FAM120C: variants seen among roughly 807,000 people sequenced by gnomAD.
The protein encoded by FAM120C is constitutive coactivator of PPAR-gamma-like protein 2.
A neutral mutation model predicts 71.2 loss-of-function variants in FAM120C; 14 were observed. The observed-to-expected ratio is 0.20, with a 90% CI of 0.13 to 0.31. FAM120C has a LOEUF of 0.31. Ranked by LOEUF, FAM120C falls within the 10% of genes least tolerant of loss-of-function variation. The pLI is 1.00. For synonymous variants in FAM120C, 354 were observed against 353.2 expected, an observed-to-expected ratio of 1.00 and a Z score of -0.03; for missense variants, 500 against 879.0, an observed-to-expected ratio of 0.57 and a Z score of 5.45.
chrX:54,148,542 G>C (rs1394149954), intron 4 of FAM120C, among the ~76,000 whole-genome samples: 1 of 111,723 alleles, frequency 9.0e-6, no homozygotes, highest in Non-Finnish European at 1.9e-5. Flanking sequence ...AGCTACTTGG[G>C]AGGCTGTGGT....
chrX:54,126,906 A>C (rs1295597842), intron 9 of FAM120C, among the ~76,000 whole-genome samples: 1 of 112,830 alleles, frequency 8.9e-6, no homozygotes, highest in Non-Finnish European at 1.9e-5. Context: ...CTGCTATAAC[A>C]AAGTACCATA....
At chrX:54,161,102 A>G (rs2067234070) in intron 1 of FAM120C, among the ~76,000 whole-genome samples, 1 of 112,000 alleles carries the variant, frequency 8.9e-6, no homozygotes, top group South Asian at 3.7e-4. Context: ...TAACATATTT[A>G]TGCCTTAGAG....
intron 1 of FAM120C, among the ~76,000 whole-genome samples, chrX:54,173,257 C>T: frequency 9.0e-6 from 1 of 111,578 alleles, no homozygotes; most frequent in Non-Finnish European, 1.9e-5. Context: ...AATGATATTT[C>T]TTTTTTTTGA....
At chrX:54,129,237 G>T (rs1348218421) in intron 9 of FAM120C, among the ~76,000 whole-genome samples, 1 of 107,080 alleles carries the variant, frequency 9.3e-6, no homozygotes, top group Non-Finnish European at 2.0e-5. Flanking sequence ...GGTGGCTGCC[G>T]GGCGGAGGGG....
chrX:54,100,887 C>T (rs1223299010), intron 10 of FAM120C, among the ~76,000 whole-genome samples: 1 of 111,246 alleles, frequency 9.0e-6, no homozygotes, highest in African/African-American at 3.3e-5. Flanking sequence ...GTGGGCAATG[C>T]ATGCTGCCAG....
intron 4 of FAM120C, among the ~76,000 whole-genome samples, chrX:54,144,001 G>A (rs1056489157): frequency 8.9e-6 from 1 of 111,859 alleles, no homozygotes; most frequent in African/African-American, 3.2e-5. Context: ...ATGCAAGTCT[G>A]ATTCAACATA....
intron 15 of FAM120C, among the ~76,000 whole-genome samples, chrX:54,075,626 G>A (rs782368209): frequency 2.1e-4 from 23 of 108,555 alleles, no homozygotes; most frequent in Admixed American, 1.5e-3. Flanking sequence ...GTGAAACCCC[G>A]TCTCTACTAA....
intron 9 of FAM120C, among the ~76,000 whole-genome samples, chrX:54,117,606 G>A (rs1160507367): frequency 2.8e-5 from 3 of 107,222 alleles, no homozygotes; most frequent in Non-Finnish European, 3.8e-5. Flanking sequence ...GCAGAGGCAG[G>A]AGAATCGCTT....
At chrX:54,105,510 G>A (rs1210213530) in intron 10 of FAM120C, among the ~76,000 whole-genome samples, 1 of 111,961 alleles carries the variant, frequency 8.9e-6, no homozygotes, top group Non-Finnish European at 1.9e-5. Flanking sequence ...AGACAGGGAT[G>A]CCCTCTCTCA....
intron 1 of FAM120C, among the ~76,000 whole-genome samples, chrX:54,161,480 A>G (rs1378373808): frequency 2.7e-5 from 3 of 112,150 alleles, no homozygotes; most frequent in Admixed American, 1.9e-4. Flanking sequence ...GCCACCATTC[A>G]AGTGATTTCA....
At chrX:54,147,767 T>A (rs1270443189) in intron 4 of FAM120C, 1 of 112,105 alleles carries the variant, frequency 8.9e-6, no homozygotes, top group Non-Finnish European at 1.9e-5. Context: ...CAATCTCGGC[T>A]CACTGTAACC....
chrX:54,081,451 G>A lies in FAM120C; in HGVS notation c.2849C>T (p.Pro950Leu). 2.5e-6 allele frequency: 3 copies of A among 1,207,798 alleles called. No individual in the cohort carries two copies. Among genetic ancestry groups the A allele is most frequent in the Non-Finnish European group, 3.4e-6 (3 of 893,839 alleles). ...CAGTTTTCCTCCTTGGGGTGGGATT[G>A]GATGGAGACCTGGCAAGATAGAAAG... ...GRSRGFAGLH[P>L]IPPQGGKLEI... Residue 950 changes from proline to leucine, a missense_variant, in exon 14 of 16, where the codon CCA becomes CTA. Pro to Leu is a moderately conservative substitution (Grantham distance 98, BLOSUM62 -3). Transcript: ENST00000375180.
intron 2 of FAM120C, 63 bp downstream of exon 2, chrX:54,159,307 T>G: frequency 8.5e-7 from 1 of 1,179,768 alleles, no homozygotes; most frequent in Non-Finnish European, 1.2e-6. Context: ...ACTCTAGTCC[T>G]CATCTCTTAA....
chrX:54,156,052 G>A (rs1299759820), intron 3 of FAM120C, among the ~76,000 whole-genome samples: 1 of 111,393 alleles, frequency 9.0e-6, no homozygotes, highest in African/African-American at 3.3e-5. Context: ...TGGCCACAGA[G>A]GGGATAACAC....
At chrX:54,165,621 A>T (rs1182497810) in intron 1 of FAM120C, among the ~76,000 whole-genome samples, 10 of 110,092 alleles carry the variant, frequency 9.1e-5, no homozygotes, top group African/African-American at 3.3e-4. Flanking sequence ...TACTAAAAAT[A>T]CAAAATTTAG....
chrX:54,083,935 G>A (rs1407400484), intron 13 of FAM120C, among the ~76,000 whole-genome samples: 1 of 111,373 alleles, frequency 9.0e-6, no homozygotes, highest in Non-Finnish European at 1.9e-5. Flanking sequence ...GGCCAGGCTT[G>A]TCTGGAACTC....
chrX:54,098,578 C>G (rs1347878636), intron 10 of FAM120C, among the ~76,000 whole-genome samples: 1 of 111,463 alleles, frequency 9.0e-6, no homozygotes, highest in Non-Finnish European at 1.9e-5. Context: ...CCCTGATGAT[C>G]ATTTTTTCAT....
At chrX:54,095,869 T>A (rs1229333315) in intron 10 of FAM120C, among the ~76,000 whole-genome samples, 5 of 109,410 alleles carry the variant, frequency 4.6e-5, no homozygotes, top group African/African-American at 1.7e-4. Context: ...TTGGTCAGAC[T>A]GGTCTCGATC....
At chrX:54,168,956 T>C (rs2067273666) in intron 1 of FAM120C, among the ~76,000 whole-genome samples, 1 of 111,857 alleles carries the variant, frequency 8.9e-6, no homozygotes, top group African/African-American at 3.2e-5. Flanking sequence ...GCTAGCAATA[T>C]GGCAGTACTT....
Sources: gnomAD v4.1 joint callset for allele counts (sites outside exome capture counted in the v4.1 genomes callset) on GRCh38, gnomAD v4.1.1 for gene constraint, MANE v1.5 for transcripts, NCBI Gene and HGNC (gene_info 2026-07-23, HGNC 2026-07-21) for gene names.